The following RSPRY1 variants were observed in gnomAD, a reference collection of about 807,000 sequenced individuals.
RSPRY1 encodes the protein ring finger and SPRY domain containing 1.
RSPRY1 carries 23 observed loss-of-function variants against 73.1 expected under a neutral mutation model. The ratio of observed to expected loss-of-function variants is 0.31; its 90% CI spans 0.23 to 0.45. RSPRY1 has a LOEUF of 0.45. RSPRY1 is among the 20% of genes least tolerant of loss of function. The pLI is 1.00. For synonymous variants in RSPRY1, 226 were observed against 251.4 expected (o/e 0.90, Z 0.95); for missense variants, 448 against 698.7 (o/e 0.64, Z 4.05).
At position 57,207,462 on chromosome 16, in the gene RSPRY1, A is replaced by T. The variant is rs76217477; in HGVS notation, c.351-596A>T. ...GAAGGACTTTTTAAAGATTTCTGGG[A>T]TCACACCACTGAATTAAGGTGTATA... On this transcript the variant is annotated intron_variant, in intron 2 of 14. Coordinates refer to ENST00000394420, the MANE Select transcript of RSPRY1 (RefSeq NM_133368.3). 715 of 358,432 alleles carry T rather than the reference A, an allele frequency of 2.0e-3. 4 individuals are homozygous for T. Among genetic ancestry groups the T allele is most frequent in the African/African-American group, 0.012 (551 of 47,178 alleles). 22.2% of individuals were successfully genotyped at this position (358,432 alleles called of 1,614,324 possible).
chr16:57,212,096 A>T lies in RSPRY1; in HGVS notation c.517-876A>T, dbSNP rs558448038. 2.2e-3 allele frequency among the ~76,000 whole-genome samples: 333 copies of T among 152,134 alleles called. 2 individuals are homozygous for T. Among genetic ancestry groups the T allele is most frequent in the African/African-American group, 7.2e-3 (299 of 41,502 alleles). On this transcript the variant is annotated intron_variant, in intron 4 of 14. Transcript: ENST00000394420. ...GGGGGCTGAAGCAGGAGGATCACTT[A>T]AGGCCAGGAGTTCAAGACCAGCCTG... is the stretch of plus-strand genomic sequence containing the variant.
intron 2 of RSPRY1, 149 bp from the exon 3 acceptor site, chr16:57,207,909 A>G (rs942189199): frequency 4.7e-6 from 3 of 638,620 alleles, no homozygotes; most frequent in Middle Eastern, 5.3e-4. Context: ...CTTACAGGTC[A>G]TAGCTCAGGT....
intron 11 of RSPRY1, among the ~76,000 whole-genome samples, chr16:57,229,632 A>G (rs968921740): frequency 3.4e-4 from 51 of 151,694 alleles, no homozygotes; most frequent in Non-Finnish European, 5.9e-4. Flanking sequence ...AACAAAAATA[A>G]CAAAACCAAA....
In RSPRY1 at chr16:57,210,434, G is replaced by A. The variant is rs200229580; in HGVS notation, c.516+1247G>A. ...AGAAGCATTTAAGGCTGGGCGCGGT[G>A]GTTCACGCCTGTAATCCTAGCACTT... is the stretch of plus-strand genomic sequence containing the variant. On this transcript the variant is annotated intron_variant, in intron 4 of 14. Transcript: ENST00000394420. Among the ~76,000 whole-genome samples the A allele has an allele frequency of 1.7e-4, 26 of 152,282 alleles. No individual in the cohort carries two copies. In the East Asian group the frequency reaches 4.1e-3, roughly 24 times the overall value.
intron 10 of RSPRY1, among the ~76,000 whole-genome samples, chr16:57,223,351 A>G (rs939459710): frequency 6.6e-6 from 1 of 152,230 alleles, no homozygotes; most frequent in African/African-American, 2.4e-5. Flanking sequence ...GCTCAATGTT[A>G]GGTCATTAAA....
chr16:57,199,936 A>G (rs997401295), intron 1 of RSPRY1, among the ~76,000 whole-genome samples: 3 of 55,824 alleles, frequency 5.4e-5, no homozygotes, highest in Non-Finnish European at 1.1e-4. Context: ...TTTATTGATC[A>G]TTCTTGGGTG....
intron 1 of RSPRY1, among the ~76,000 whole-genome samples, chr16:57,194,788 C>T (rs2074410607): frequency 6.6e-6 from 1 of 152,046 alleles, no homozygotes; most frequent in Admixed American, 6.5e-5. Context: ...TGAATGCAAG[C>T]AAATATTTGA....
rs1411001474 is a variant in RSPRY1 at position 57,208,391 on chromosome 16, TATATA to T, written c.403+282_403+286del. 4.3e-3 allele frequency among the ~76,000 whole-genome samples: 460 copies of T among 107,928 alleles called. 5 individuals are homozygous for T. Among genetic ancestry groups the T allele is most frequent in the African/African-American group, 0.018 (451 of 24,514 alleles). 70.8% of individuals were successfully genotyped at this position (107,928 alleles called of 152,430 possible). A position where few individuals can be genotyped will look rare whatever the true frequency, so the allele number is the denominator to read the frequency against. On this transcript the variant is annotated intron_variant, in intron 3 of 14. Coordinates refer to ENST00000394420, the MANE Select transcript of RSPRY1 (RefSeq NM_133368.3). Reference sequence around the variant, plus strand: ...AGGAGATTATTTATATATATATATATATATATATATTTTTTTTTTTTTTTGAGACA... The same window carrying T: ...AGGAGATTATTTATATATATATATATTATATTTTTTTTTTTTTTTGAGACA...
intron 14 of RSPRY1, among the ~76,000 whole-genome samples, chr16:57,235,520 T>A (rs2075287206): frequency 6.6e-6 from 1 of 152,234 alleles, no homozygotes; most frequent in Non-Finnish European, 1.5e-5. Flanking sequence ...GCTTCCTCAT[T>A]TACTTCTTAT....
In RSPRY1 at chr16:57,209,121, A is replaced by G; in HGVS notation, c.450A>G (p.Pro150=). The change falls in exon 4 of 15, where the codon CCA becomes CCG. Residue 150 remains proline (P), a synonymous_variant. Transcript: ENST00000394420. The stretch of plus-strand genomic sequence containing the variant: ...TCCAGTCTTTAATTAGAGTTATTCC[A>G]CTGGAAGATCCACTGGGACCAGCTG... ...DVVQSLIRVI[P]LEDPLGPAVI... The G allele has an allele frequency of 3.1e-6, 5 of 1,613,558 alleles. No individual in the cohort carries two copies. The highest frequency in any genetic ancestry group is 4.2e-6 in the Non-Finnish European group (5 of 1,179,680).
chr16:57,216,069 ATTTTT>A, intron 6 of RSPRY1, 33 bp from the exon 7 acceptor site: 4 of 1,200,090 alleles, frequency 3.3e-6, no homozygotes, highest in Non-Finnish European at 3.5e-6. Flanking sequence ...CAGGGGAATG[ATTTTT>A]TTTTTTTTTT....
intron 4 of RSPRY1, among the ~76,000 whole-genome samples, chr16:57,210,541 A>T (rs1247437677): frequency 1.3e-5 from 2 of 151,810 alleles, no homozygotes; most frequent in African/African-American, 4.8e-5. Context: ...CGTCTCTACT[A>T]AAATACCCCG....
chr16:57,203,302 T>A (rs1196681794), intron 1 of RSPRY1, among the ~76,000 whole-genome samples: 2 of 152,030 alleles, frequency 1.3e-5, no homozygotes, highest in Non-Finnish European at 2.9e-5. Flanking sequence ...CAAAAATAAG[T>A]AAATAAATAA....
intron 1 of RSPRY1, among the ~76,000 whole-genome samples, chr16:57,203,283 G>A (rs929872441): frequency 1.3e-5 from 2 of 152,136 alleles, no homozygotes; most frequent in Non-Finnish European, 2.9e-5. Flanking sequence ...GTGATAGAGC[G>A]AGACTCCTCA....
intron 9 of RSPRY1, 24 bp from the exon 10 acceptor site, chr16:57,221,248 T>G: frequency 6.2e-7 from 1 of 1,612,528 alleles, no homozygotes; most frequent in Non-Finnish European, 8.5e-7. Context: ...CATAGTTGAT[T>G]GACACATTTT....
intron 1 of RSPRY1, among the ~76,000 whole-genome samples, chr16:57,202,152 C>T (rs1257372452): frequency 2.7e-5 from 4 of 150,228 alleles, no homozygotes; most frequent in African/African-American, 4.9e-5. Flanking sequence ...AAGACCCCAT[C>T]TCTAAAAAAA....
chr16:57,219,674 A>G (rs1287735610), intron 8 of RSPRY1: 1 of 152,102 alleles, frequency 6.6e-6, no homozygotes, highest in Non-Finnish European at 1.5e-5. Flanking sequence ...ATATGATCCC[A>G]TTTGTCCATT....
At chr16:57,196,770 C>G (rs1306941259) in intron 1 of RSPRY1, among the ~76,000 whole-genome samples, 1 of 152,184 alleles carries the variant, frequency 6.6e-6, no homozygotes, top group Non-Finnish European at 1.5e-5. Context: ...CAGAATCCCT[C>G]TCCCCCAGGT....
In RSPRY1 at chr16:57,218,451, T is replaced by G. The variant is rs116846018; in HGVS notation, c.901+1416T>G. Among the ~76,000 whole-genome samples the G allele has an allele frequency of 6.7e-3, 1,014 of 152,272 alleles. 8 individuals are homozygous for G. Among genetic ancestry groups the G allele is most frequent in the South Asian group, 0.01 (49 of 4,824 alleles). On this transcript the variant is annotated intron_variant, in intron 8 of 14. Transcript: ENST00000394420. ...CTAGGTGTTCTTCATTCTATCTAGCTATATTCCCATTAACCAACCCCATTT... is the reference window on the plus strand; with the variant it reads ...CTAGGTGTTCTTCATTCTATCTAGCGATATTCCCATTAACCAACCCCATTT...
Sources: allele counts gnomAD v4.1 joint callset (sites outside exome capture counted in the v4.1 genomes callset), GRCh38; gene constraint gnomAD v4.1.1; transcripts MANE v1.5; gene names NCBI Gene and HGNC (gene_info 2026-07-23, HGNC 2026-07-21).